Variants in ZNF536 observed in about 807,000 individuals in gnomAD.
ZNF536 encodes zinc finger protein 536.
A neutral mutation model predicts 84.5 loss-of-function variants in ZNF536; 13 were observed. That is an observed-to-expected ratio of 0.15 (90% CI 0.10 to 0.24). ZNF536 has a LOEUF of 0.24. ZNF536 is among the 10% of genes least tolerant of loss of function. The pLI is 1.00. For synonymous variants in ZNF536, 811 were observed against 742.5 expected, an observed-to-expected ratio of 1.09 and a Z score of -1.50; for missense variants, 1,536 against 1,747.5, an observed-to-expected ratio of 0.88 and a Z score of 2.16.
chr19:30,431,290 G>A (rs2147977554), intron 1 of ZNF536, among the ~76,000 whole-genome samples: 1 of 152,280 alleles, frequency 6.6e-6, no homozygotes, highest in East Asian at 1.9e-4. Context: ...CTGTGCAGGA[G>A]CTAGGGATGC....
chr19:30,393,023 ATATTAACGACACC>A (rs1307036495), intron 1 of ZNF536, among the ~76,000 whole-genome samples: 1 of 152,162 alleles, frequency 6.6e-6, no homozygotes, highest in Non-Finnish European at 1.5e-5. Flanking sequence ...TGGTCAGCAA[ATATTAACGACACC>A]TACTGTGTGA....
intron 1 of ZNF536, among the ~76,000 whole-genome samples, chr19:30,594,900 T>C (rs897755185): frequency 1.3e-5 from 2 of 152,124 alleles, no homozygotes; most frequent in African/African-American, 4.8e-5. Context: ...TGGAAACCTC[T>C]GTCCCCCAGC....
chr19:30,554,016 A>G (rs2045875970), intron 4 of ZNF536: 1 of 151,520 alleles, frequency 6.6e-6, no homozygotes, highest in Admixed American at 6.6e-5. Context: ...GGCTTCCCCA[A>G]CCCAAATTAT....
chr19:30,617,271 C>T (rs1050836394), intron 1 of ZNF536, among the ~76,000 whole-genome samples: 4 of 149,022 alleles, frequency 2.7e-5, no homozygotes, highest in African/African-American at 9.9e-5. Flanking sequence ...TGTCTTTCAT[C>T]CCTCACTCCC....
At chr19:30,471,279 GTGTC>G (rs1420354453) in intron 2 of ZNF536, among the ~76,000 whole-genome samples, 3 of 152,178 alleles carry the variant, frequency 2.0e-5, no homozygotes, top group African/African-American at 7.2e-5. Context: ...GGCTGAGGTA[GTGTC>G]TGTCAGGTTT....
At chr19:30,675,145 T>A (rs572165031) in intron 1 of ZNF536, among the ~76,000 whole-genome samples, 1 of 152,218 alleles carries the variant, frequency 6.6e-6, no homozygotes, top group African/African-American at 2.4e-5. Context: ...GATCTTGGAA[T>A]CCGTTTGCCG....
At chr19:30,415,687 T>G (rs1174814727) in intron 1 of ZNF536, among the ~76,000 whole-genome samples, 1 of 152,128 alleles carries the variant, frequency 6.6e-6, no homozygotes, top group Non-Finnish European at 1.5e-5. Context: ...CTCGGCTCAC[T>G]GCAAGCTCAG....
chr19:30,434,981 C>T (rs962187244), intron 1 of ZNF536, among the ~76,000 whole-genome samples: 11 of 115,138 alleles, frequency 9.6e-5, no homozygotes, highest in East Asian at 2.8e-4. Flanking sequence ...TGATGATGAT[C>T]GTGGTGATGA....
intron 2 of ZNF536, among the ~76,000 whole-genome samples, chr19:30,335,726 G>A (rs758985961): frequency 1.1e-4 from 16 of 152,146 alleles, no homozygotes; most frequent in African/African-American, 3.6e-4. Flanking sequence ...CCTTGTGCAC[G>A]GATAGAATCT....
intron 1 of ZNF536, among the ~76,000 whole-genome samples, chr19:30,643,880 G>T (rs182631281): frequency 1.6e-3 from 246 of 152,258 alleles, no homozygotes; most frequent in African/African-American, 5.8e-3. Context: ...AGATTTCTTT[G>T]CTTTAGAAAG....
At chr19:30,501,405 A>G (rs1434950075) in intron 2 of ZNF536, among the ~76,000 whole-genome samples, 1 of 152,182 alleles carries the variant, frequency 6.6e-6, no homozygotes, top group Non-Finnish European at 1.5e-5. Context: ...GAACCACTAC[A>G]CAAGCTGTAC....
upstream of ZNF536, among the ~76,000 whole-genome samples, chr19:30,369,073 C>T (rs2146994035): frequency 6.6e-6 from 1 of 152,304 alleles, no homozygotes; most frequent in South Asian, 2.1e-4. Flanking sequence ...CACGCAGACG[C>T]CACACTACCT....
intron 1 of ZNF536, among the ~76,000 whole-genome samples, chr19:30,437,747 C>G (rs1346593113): frequency 6.6e-6 from 1 of 152,210 alleles, no homozygotes; most frequent in Non-Finnish European, 1.5e-5. Context: ...GATGATGCTG[C>G]AAACTCAAGA....
At chr19:30,266,363 C>T (rs2025513347) in intron 1 of ZNF536, among the ~76,000 whole-genome samples, 1 of 152,182 alleles carries the variant, frequency 6.6e-6, no homozygotes, top group Non-Finnish European at 1.5e-5. Context: ...AACTTCTCAT[C>T]TCCATCCCCA....
intron 2 of ZNF536, among the ~76,000 whole-genome samples, chr19:30,483,220 T>A (rs1246637749): frequency 1.3e-5 from 2 of 152,244 alleles, no homozygotes; most frequent in East Asian, 3.8e-4. Flanking sequence ...CTCTGGGTTG[T>A]ACCTGTTGTA....
intron 3 of ZNF536, among the ~76,000 whole-genome samples, chr19:30,357,171 G>C (rs536862373): frequency 4.4e-4 from 67 of 152,344 alleles, no homozygotes; most frequent in African/African-American, 1.6e-3. Context: ...GACAGGGGTA[G>C]TATCTGTACT....
intron 1 of ZNF536, among the ~76,000 whole-genome samples, chr19:30,678,739 C>T (rs1568663744): frequency 6.6e-6 from 1 of 150,670 alleles, no homozygotes; most frequent in Non-Finnish European, 1.5e-5. Context: ...CCAAGCCCCC[C>T]CACACACACC....
chr19:30,587,557 T>G (rs1192931473), intron 1 of ZNF536, among the ~76,000 whole-genome samples: 1 of 152,222 alleles, frequency 6.6e-6, no homozygotes, highest in Non-Finnish European at 1.5e-5. Context: ...CTGAAGGGCC[T>G]GGTTAGACTG....
At chr19:30,296,993 T>A (rs1268118025) in intron 2 of ZNF536, among the ~76,000 whole-genome samples, 3 of 152,168 alleles carry the variant, frequency 2.0e-5, no homozygotes, top group Non-Finnish European at 4.4e-5. Flanking sequence ...AAAAGCTTCC[T>A]ATGAGGTGTT....
Sources: allele counts gnomAD v4.1 joint callset (sites outside exome capture counted in the v4.1 genomes callset), GRCh38; gene constraint gnomAD v4.1.1; transcripts MANE v1.5; gene names NCBI Gene and HGNC (gene_info 2026-07-23, HGNC 2026-07-21).